Variants in BAK1 observed in about 807,000 individuals in gnomAD.
The protein encoded by BAK1 is BCL2 antagonist/killer 1.
A neutral mutation model predicts 24.7 loss-of-function variants in BAK1; 19 were observed. That is an observed-to-expected ratio of 0.77 (90% confidence interval 0.54 to 1.13). The LOEUF (loss-of-function observed/expected upper bound fraction) is 1.13, where lower values mean the gene tolerates loss of function less well. BAK1 is among the 50% of genes most tolerant of loss of function. The pLI, the probability that BAK1 is intolerant of heterozygous loss-of-function variation, is 0.00. For missense variants in BAK1, 194 were observed against 279.4 expected (o/e 0.69, Z 2.18); for synonymous variants, 86 against 107.3 (o/e 0.80, Z 1.23).
Position 33,577,387 on chromosome 6 carries a change from C to T in BAK1, c.70+148G>A, listed in dbSNP as rs1050579097. 1 of 786,620 alleles carries T rather than the reference C, an allele frequency of 1.3e-6. No homozygotes were observed. The highest frequency in any genetic ancestry group is 1.9e-6 in the Non-Finnish European group (1 of 516,662). The allele number at this position is 786,620 out of a possible 1,614,324, so 48.7% of individuals were successfully genotyped here. A position where few individuals can be genotyped will look rare whatever the true frequency, so the allele number is the denominator to read the frequency against. Reference sequence around the variant, plus strand: ...CCTGGGCTTAACCTTGACAGCAGCTCCAGCCTCTGAGCCCGTGGGTGGGGA... The same window carrying T: ...CCTGGGCTTAACCTTGACAGCAGCTTCAGCCTCTGAGCCCGTGGGTGGGGA... On this transcript the variant is annotated intron_variant, in intron 2 of 5. Transcript: ENST00000374467. This position sits in a 1 kb window ranked among gnomAD's most constrained non-coding sequence, Gnocchi z 4.6.
Position 33,575,158 on chromosome 6 carries a change from C to T in BAK1, c.350+140G>A. The T allele has an allele frequency of 7.6e-7, 1 of 1,324,338 alleles. No homozygotes were observed. Among genetic ancestry groups the T allele is most frequent in the South Asian group, 1.2e-5 (1 of 82,120 alleles). The allele number at this position is 1,324,338 out of a possible 1,614,324, so 82.0% of individuals were successfully genotyped here. A position where few individuals can be genotyped will look rare whatever the true frequency, so the allele number is the denominator to read the frequency against. On this transcript the variant is annotated intron_variant, in intron 4 of 5. Transcript: ENST00000374467. The surrounding 1 kb of genome is among the most constrained non-coding windows in gnomAD (Gnocchi z 6.3). ...AAAGAGAAAAATAGGGGGCCGAGAC[C>T]ACATGTGAGTTCACAGCAGACATTG...
At chr6:33,576,663 C>CA (rs1415237763) in intron 2 of BAK1, among the ~76,000 whole-genome samples, 14 of 136,922 alleles carry the variant, frequency 1.0e-4, no homozygotes, top group East Asian at 6.1e-4. Flanking sequence ...ACAACAACAA[C>CA]AAAAAAAACA....
intron 1 of BAK1, among the ~76,000 whole-genome samples, chr6:33,579,824 C>T (rs1762906811): frequency 6.6e-6 from 1 of 152,244 alleles, no homozygotes; most frequent in East Asian, 1.9e-4. Flanking sequence ...CTCCGGCATC[C>T]AGGGCTGGGC....
In BAK1 at chr6:33,573,462, A is replaced by G. The variant is rs529272226; in HGVS notation, c.*341T>C. ...GGTATTATAAAAAGCTAAAACCGTT[A>G]AACACTTTCTGGGGAGAAGTGGCTC... On this transcript the variant is annotated 3_prime_UTR_variant, in exon 6 of 6. Transcript: ENST00000374467. 3.2e-6 allele frequency: 1 copy of G among 316,120 alleles called. No individual in the cohort carries two copies. Among genetic ancestry groups the G allele is most frequent in the Non-Finnish European group, 5.9e-6 (1 of 169,734 alleles). 19.6% of individuals were successfully genotyped at this position (316,120 alleles called of 1,614,324 possible).
At position 33,575,485 on chromosome 6, in the gene BAK1, T is replaced by C. The variant is rs1464392218; in HGVS notation, c.207-44A>G. 4.3e-6 allele frequency: 7 copies of C among 1,611,732 alleles called. No homozygotes were observed. The South Asian group carries it at 6.6e-5, about 15-fold the overall frequency. ...TGCAGGTGAGCCAGTAACCAGGCAGTCGGGACCAGGCCCTGGCTCATGGCA... is the reference window on the plus strand; with the variant it reads ...TGCAGGTGAGCCAGTAACCAGGCAGCCGGGACCAGGCCCTGGCTCATGGCA... On this transcript the variant is annotated intron_variant, in intron 3 of 5. Coordinates refer to ENST00000374467, the MANE Select transcript of BAK1 (RefSeq NM_001188.4). This position sits in a 1 kb window ranked among gnomAD's most constrained non-coding sequence, Gnocchi z 6.3.
At chr6:33,574,940 A>G (rs1349228147) in intron 4 of BAK1, among the ~76,000 whole-genome samples, 2 of 152,186 alleles carry the variant, frequency 1.3e-5, no homozygotes, top group Non-Finnish European at 2.9e-5. Context: ...TAGCACCCTC[A>G]CCATCTTCAG....
At position 33,578,356 on chromosome 6, in the gene BAK1, C is replaced by G. The variant is rs1762880048; in HGVS notation, c.-31-721G>C. Among the ~76,000 whole-genome samples the G allele has an allele frequency of 6.6e-6, 1 of 152,184 alleles. No homozygotes were observed. Among genetic ancestry groups the G allele is most frequent in the African/African-American group, 2.4e-5 (1 of 41,444 alleles). ...AGCGCCATCATACCCACTTTACAGG[C>G]AGGAAAAGTGAGGCACAAAGAGTTG... On this transcript the variant is annotated intron_variant, in intron 1 of 5. Coordinates refer to ENST00000374467, the MANE Select transcript of BAK1 (RefSeq NM_001188.4). The surrounding 1 kb of genome is among the most constrained non-coding windows in gnomAD (Gnocchi z 4.8).
In BAK1 at chr6:33,575,235, G is replaced by A. The variant is rs748450309; in HGVS notation, c.350+63C>T. On this transcript the variant is annotated intron_variant, in intron 4 of 5. Coordinates refer to ENST00000374467, the MANE Select transcript of BAK1 (RefSeq NM_001188.4). The surrounding 1 kb of genome is among the most constrained non-coding windows in gnomAD (Gnocchi z 6.3). ...GCCAGGAGAGCATCATGCAGGCAGG[G>A]TATGGTATGGTTGTGACATGACAGA... 6.2e-7 allele frequency: 1 copy of A among 1,608,254 alleles called. No homozygotes were observed. Among genetic ancestry groups the A allele is most frequent in the Non-Finnish European group, 8.5e-7 (1 of 1,174,760 alleles).
At chr6:33,574,302 G>A in intron 4 of BAK1, 88 bp from the exon 5 acceptor site, 1 of 1,518,278 alleles carries the variant, frequency 6.6e-7, no homozygotes, top group East Asian at 2.4e-5. Context: ...CTCCCAGCTG[G>A]AAGCTAAATA....
At chr6:33,579,652 C>G (rs9282611) in intron 1 of BAK1, among the ~76,000 whole-genome samples, 2 of 152,204 alleles carry the variant, frequency 1.3e-5, no homozygotes, top group Non-Finnish European at 2.9e-5. Flanking sequence ...TGCTGGGCCC[C>G]GATGAATGTT....
Position 33,577,001 on chromosome 6 carries a change from C to G in BAK1, c.70+534G>C, listed in dbSNP as rs1019326878. On this transcript the variant is annotated intron_variant, in intron 2 of 5. Transcript: ENST00000374467. This position sits in a 1 kb window ranked among gnomAD's most constrained non-coding sequence, Gnocchi z 4.6. ...ATTTGTAGCTGCGGCCCAGAAAAGTCACACAGGGAGATAGTGACAGACCTG... is the reference window on the plus strand; with the variant it reads ...ATTTGTAGCTGCGGCCCAGAAAAGTGACACAGGGAGATAGTGACAGACCTG... 5.9e-5 allele frequency among the ~76,000 whole-genome samples: 9 copies of G among 152,188 alleles called. No homozygotes were observed. Among genetic ancestry groups the G allele is most frequent in the Non-Finnish European group, 1.2e-4 (8 of 68,040 alleles).
chr6:33,577,487 A>G lies in BAK1; in HGVS notation c.70+48T>C. 1 of 1,492,952 alleles carries G rather than the reference A, an allele frequency of 6.7e-7. No homozygotes were observed. The highest frequency in any genetic ancestry group is 9.1e-7 in the Non-Finnish European group (1 of 1,104,300). 92.5% of individuals were successfully genotyped at this position (1,492,952 alleles called of 1,614,324 possible). A position where few individuals can be genotyped will look rare whatever the true frequency, so the allele number is the denominator to read the frequency against. ...GAGTCCTGCTCCTTCCATCCTCACG[A>G]CAGCACTCATGGTTATGGGATGGGT... On this transcript the variant is annotated intron_variant, in intron 2 of 5. Transcript: ENST00000374467. This position sits in a 1 kb window ranked among gnomAD's most constrained non-coding sequence, Gnocchi z 4.6.
chr6:33,577,340 C>T lies in BAK1; in HGVS notation c.70+195G>A, dbSNP rs934348016. Among the ~76,000 whole-genome samples the T allele has an allele frequency of 1.3e-5, 2 of 152,170 alleles. No homozygotes were observed. The highest frequency in any genetic ancestry group is 4.8e-5 in the African/African-American group (2 of 41,452). On this transcript the variant is annotated intron_variant, in intron 2 of 5. Transcript: ENST00000374467. This position sits in a 1 kb window ranked among gnomAD's most constrained non-coding sequence, Gnocchi z 4.6. ...GGCCTCTCCCAACCTCCAGGCCCTCCCCAGTCCAGACTCCTCCCCCTCCTG... is the reference window on the plus strand; with the variant it reads ...GGCCTCTCCCAACCTCCAGGCCCTCTCCAGTCCAGACTCCTCCCCCTCCTG...
rs1762914152 is a variant in BAK1 at position 33,580,215 on chromosome 6, G to C, written c.-222C>G. The C allele has an allele frequency of 6.6e-6, 1 of 152,352 alleles. No homozygotes were observed. Among genetic ancestry groups the C allele is most frequent in the Non-Finnish European group, 1.5e-5 (1 of 68,050 alleles). The allele number at this position is 152,352 out of a possible 1,614,324, so 9.4% of individuals were successfully genotyped here. A position where few individuals can be genotyped will look rare whatever the true frequency, so the allele number is the denominator to read the frequency against. On this transcript the variant is annotated 5_prime_UTR_variant, in exon 1 of 6. The change creates a new upstream start codon in the 5' untranslated region. Coordinates refer to ENST00000374467, the MANE Select transcript of BAK1 (RefSeq NM_001188.4). ...CCCGAGGGACCCGCGAGACTCCAGT[G>C]ATCATAGAGGTGCCAGCGGCACCCG...
rs574038130 is a variant in BAK1 at position 33,578,400 on chromosome 6, G to A, written c.-31-765C>T. 2.6e-5 allele frequency among the ~76,000 whole-genome samples: 4 copies of A among 152,276 alleles called. No individual in the cohort carries two copies. The highest frequency in any genetic ancestry group is 1.9e-4 in the East Asian group (1 of 5,186). ...AGAGTTGAGTGCCCGAGGTCACATC[G>A]TTAGTCACGGAAAGTCAGGTTGTTT... On this transcript the variant is annotated intron_variant, in intron 1 of 5. Coordinates refer to ENST00000374467, the MANE Select transcript of BAK1 (RefSeq NM_001188.4). The surrounding 1 kb of genome is among the most constrained non-coding windows in gnomAD (Gnocchi z 4.8).
rs1375591844 is a variant in BAK1 at position 33,577,600 on chromosome 6, G to A, written c.5C>T (p.Ala2Val). 1 of 1,549,338 alleles carries A rather than the reference G, an allele frequency of 6.5e-7. No homozygotes were observed. The highest frequency in any genetic ancestry group is 1.2e-5 in the South Asian group (1 of 83,750). Residue 2 changes from alanine to valine, a missense_variant, in exon 2 of 6, where the codon GCT becomes GTT. Ala to Val is a moderately conservative substitution (Grantham distance 64). Coordinates refer to ENST00000374467, the MANE Select transcript of BAK1 (RefSeq NM_001188.4). The surrounding 1 kb of genome is among the most constrained non-coding windows in gnomAD (Gnocchi z 4.6). ...GGGAGGACCTGGGCCTTGCCCCGAAGCCATTTTTCAGGTCTCAGTGGAGGA... is the reference window on the plus strand; with the variant it reads ...GGGAGGACCTGGGCCTTGCCCCGAAACCATTTTTCAGGTCTCAGTGGAGGA... M[A>V]SGQGPGPPRQ...
At chr6:33,576,432 C>T (rs1762846767) in intron 2 of BAK1, among the ~76,000 whole-genome samples, 1 of 151,732 alleles carries the variant, frequency 6.6e-6, no homozygotes, top group Admixed American at 6.6e-5. Flanking sequence ...AGATTGAGAC[C>T]ATCCTGGCTA....
At position 33,575,875 on chromosome 6, in the gene BAK1, G is replaced by A. The variant is rs368815273; in HGVS notation, c.124C>T (p.Arg42Cys). 14 of 1,613,988 alleles carry A rather than the reference G, an allele frequency of 8.7e-6. No homozygotes were observed. Among genetic ancestry groups the A allele is most frequent in the East Asian group, 2.2e-5 (1 of 44,882 alleles). The stretch of plus-strand genomic sequence containing the variant: ...TCAGCCTCCTGTTCCTGCTGATGGC[G>A]GTAAAAAACGTAGCTGCGGAAAACC... ...EEVFRSYVFY[R>C]HQQEQEAEGV... The change falls in exon 3 of 6, where the codon CGC becomes TGC. Residue 42 changes from arginine to cysteine, a missense_variant. Physicochemically the swap from Arg to Cys is radical, Grantham distance 180 (BLOSUM62 -3). Transcript: ENST00000374467. The surrounding 1 kb of genome is among the most constrained non-coding windows in gnomAD (Gnocchi z 6.3).
intron 1 of BAK1, among the ~76,000 whole-genome samples, chr6:33,579,254 G>A (rs1347723287): frequency 6.6e-6 from 1 of 152,232 alleles, no homozygotes; most frequent in African/African-American, 2.4e-5. Context: ...GCTGAGGCAG[G>A]AGAATCGCTT....
Sources: gnomAD v4.1 joint callset for allele counts (sites outside exome capture counted in the v4.1 genomes callset) on GRCh38, gnomAD v4.1.1 for gene constraint, Gnocchi (gnomAD v3.1) non-coding constraint, MANE v1.5 for transcripts, NCBI Gene and HGNC (gene_info 2026-07-23, HGNC 2026-07-21) for gene names.